The following RAD54L2 variants were observed in gnomAD, a reference collection of about 807,000 sequenced individuals.
RAD54L2 encodes the protein RAD54 like 2, also known as helicase ARIP4.
Under a neutral mutation model 138.4 loss-of-function variants are expected in RAD54L2, and 27 were observed. The ratio of observed to expected loss-of-function variants is 0.20; its 90% CI spans 0.14 to 0.27. The LOEUF is 0.27. RAD54L2 is among the 10% of genes least tolerant of loss of function. The pLI, the probability that RAD54L2 is intolerant of heterozygous loss-of-function variation, is 1.00. For missense variants in RAD54L2, 1,396 were observed against 1,890.2 expected, an observed-to-expected ratio of 0.74 and a Z score of 4.85; for synonymous variants, 644 against 723.2, an observed-to-expected ratio of 0.89 and a Z score of 1.76.
chr3:51,635,266 T>C (rs552802609), intron 9 of RAD54L2, among the ~76,000 whole-genome samples: 1 of 152,318 alleles, frequency 6.6e-6, no homozygotes, highest in Non-Finnish European at 1.5e-5. Flanking sequence ...CTCCTTCAAA[T>C]GTTGAGTTGT....
chr3:51,610,250 C>T (rs1407454930), intron 3 of RAD54L2, among the ~76,000 whole-genome samples: 6 of 152,216 alleles, frequency 3.9e-5, no homozygotes, highest in Admixed American at 6.5e-5. Flanking sequence ...CACAATCCCC[C>T]GAGGCTACAA....
chr3:51,544,737 A>G (rs1553671899), intron 2 of RAD54L2, among the ~76,000 whole-genome samples: 2 of 152,108 alleles, frequency 1.3e-5, no homozygotes, highest in African/African-American at 4.8e-5. Flanking sequence ...CTCACAAGTA[A>G]CTGGGACTAT....
rs112763323 is a variant in RAD54L2 at position 51,640,085 on chromosome 3, G to A, written c.2231+86G>A. On this transcript the variant is annotated intron_variant, in intron 14 of 22. Coordinates refer to ENST00000684192, the MANE Select transcript of RAD54L2 (RefSeq NM_015106.4). Reference sequence around the variant, plus strand: ...ACAGAGCAAGACCAAGACCACCCCCGCCTCCCCCAAGTGCTATTGTGAGGA... The same window carrying A: ...ACAGAGCAAGACCAAGACCACCCCCACCTCCCCCAAGTGCTATTGTGAGGA... 357 of 981,544 alleles carry A rather than the reference G, an allele frequency of 3.6e-4. No individual in the cohort carries two copies. In the African/African-American group the frequency reaches 4.4e-3, roughly 12 times the overall value. The allele number at this position is 981,544 out of a possible 1,614,324, so 60.8% of individuals were successfully genotyped here. A position where few individuals can be genotyped will look rare whatever the true frequency, so the allele number is the denominator to read the frequency against.
At chr3:51,566,024 T>A (rs1207634668) in intron 2 of RAD54L2, among the ~76,000 whole-genome samples, 4 of 151,622 alleles carry the variant, frequency 2.6e-5, no homozygotes, top group Admixed American at 6.6e-5. Flanking sequence ...GAGATGGGGT[T>A]TCACCATGTT....
chr3:51,626,435 TC>T (rs1282111181), intron 3 of RAD54L2, among the ~76,000 whole-genome samples: 1 of 119,844 alleles, frequency 8.3e-6, no homozygotes, highest in Non-Finnish European at 1.7e-5. Context: ...CCCCCAACGA[TC>T]TTTTTTTTTT....
intron 3 of RAD54L2, among the ~76,000 whole-genome samples, chr3:51,617,209 A>G (rs1196307966): frequency 3.3e-5 from 5 of 152,146 alleles, no homozygotes; most frequent in Non-Finnish European, 5.9e-5. Context: ...TCAAAATTAT[A>G]GATATGTTTT....
rs185999728 is a variant in RAD54L2, at chr3:51,611,747, C to T, written c.140-15806C>T. Among the ~76,000 whole-genome samples, 511 of 151,974 alleles carry T rather than the reference C, an allele frequency of 3.4e-3. 2 individuals carry two copies. Among genetic ancestry groups the T allele is most frequent in the African/African-American group, 0.012 (495 of 41,432 alleles). On this transcript the variant is annotated intron_variant, in intron 3 of 22. Transcript: ENST00000684192. ...CTAATTTTTATATTTTTACTAACGA[C>T]GAGTTTGACCATCTTGGCCAGGCTG...
intron 3 of RAD54L2, chr3:51,611,355 T>C (rs1388286826): frequency 6.6e-6 from 1 of 151,974 alleles, no homozygotes; most frequent in African/African-American, 2.4e-5. Flanking sequence ...TGCATAATAA[T>C]CGCATTATGG....
In RAD54L2 at chr3:51,663,244, T is replaced by A. The variant is rs572721472; in HGVS notation, c.4228T>A (p.Ser1410Thr). 4 of 1,613,934 alleles carry A rather than the reference T, an allele frequency of 2.5e-6. No homozygotes were observed. The highest frequency in any genetic ancestry group is 3.4e-6 in the Non-Finnish European group (4 of 1,179,872). ...TTCCCCTGTCTTGCCCAGCAACCTT[T>A]CGCGGGGCATGTCTATCTATCCAGG... ...FPSPVLPSNL[S>T]RGMSIYPGYM... The change falls in exon 23 of 23, where the codon TCG becomes ACG. Residue 1410 changes from serine (S) to threonine (T), a missense_variant. Coordinates refer to ENST00000684192, the MANE Select transcript of RAD54L2 (RefSeq NM_015106.4).
In RAD54L2 at chr3:51,554,151, G is replaced by C. The variant is rs549385932; in HGVS notation, c.-55+12501G>C. On this transcript the variant is annotated intron_variant, in intron 2 of 22. Coordinates refer to ENST00000684192, the MANE Select transcript of RAD54L2 (RefSeq NM_015106.4). The stretch of plus-strand genomic sequence containing the variant: ...CAAAAGAGATCTCTGTAGGCTGGGC[G>C]TGATCAAGAGATCGAGAGCAGCCTG... 9.6e-4 allele frequency among the ~76,000 whole-genome samples: 146 copies of C among 152,220 alleles called. 1 individual carries two copies. The highest frequency in any genetic ancestry group is 1.7e-3 in the Non-Finnish European group (116 of 68,020).
intron 7 of RAD54L2, among the ~76,000 whole-genome samples, chr3:51,632,368 A>G (rs1276504672): frequency 1.3e-5 from 2 of 151,950 alleles, no homozygotes; most frequent in African/African-American, 4.8e-5. Flanking sequence ...ATCTCGGCTC[A>G]CTCCAATCTC....
At chr3:51,621,592 TC>T (rs1341969947) in intron 3 of RAD54L2, among the ~76,000 whole-genome samples, 2 of 152,080 alleles carry the variant, frequency 1.3e-5, no homozygotes, top group Non-Finnish European at 1.5e-5. Context: ...GGCAAAAAGT[TC>T]CCCCCTGCCC....
chr3:51,629,833 A>C (rs184594125), intron 5 of RAD54L2, among the ~76,000 whole-genome samples: 1 of 152,314 alleles, frequency 6.6e-6, no homozygotes, highest in Admixed American at 6.5e-5. Context: ...ACTGTACTCC[A>C]GCCTAGGTGA....
intron 3 of RAD54L2, among the ~76,000 whole-genome samples, chr3:51,625,928 A>G (rs1700667977): frequency 1.3e-5 from 2 of 152,164 alleles, no homozygotes; most frequent in South Asian, 2.1e-4. Flanking sequence ...GCCATAGTTT[A>G]GAGGAGACTA....
At position 51,637,624 on chromosome 3, in the gene RAD54L2, G is replaced by A; in HGVS notation, c.1682+121G>A. ...GGAGGGCCCCTTCCCTGGGGCAGTA[G>A]TAAAACTTTGCTTCCTGTGACAAGC... On this transcript the variant is annotated intron_variant, in intron 11 of 22. Transcript: ENST00000684192. The surrounding 1 kb of genome is among the most constrained non-coding windows in gnomAD (Gnocchi z 5.9). 1 of 972,196 alleles carries A rather than the reference G, an allele frequency of 1.0e-6. No homozygotes were observed. Among genetic ancestry groups the A allele is most frequent in the Admixed American group, 2.8e-5 (1 of 35,234 alleles). The allele number at this position is 972,196 out of a possible 1,614,324, so 60.2% of individuals were successfully genotyped here.
chr3:51,618,134 ATTTTTTTTTTTT>A (rs58259844), intron 3 of RAD54L2, among the ~76,000 whole-genome samples: 1 of 112,140 alleles, frequency 8.9e-6, no homozygotes, highest in Non-Finnish European at 1.9e-5. Flanking sequence ...AATATTTTGT[ATTTTTTTTTTTT>A]TTTTTTTTAA....
intron 3 of RAD54L2, among the ~76,000 whole-genome samples, chr3:51,616,432 AAGTC>A (rs1427406711): frequency 6.6e-6 from 1 of 152,204 alleles, no homozygotes; most frequent in Non-Finnish European, 1.5e-5. Context: ...TTTTTTTAAA[AAGTC>A]AGCATTAATG....
chr3:51,635,027 T>TC (rs1700950412), intron 9 of RAD54L2, among the ~76,000 whole-genome samples: 2 of 152,232 alleles, frequency 1.3e-5, no homozygotes, highest in South Asian at 4.1e-4. Context: ...GATGATTAGT[T>TC]GACCTCACAG....
intron 2 of RAD54L2, among the ~76,000 whole-genome samples, chr3:51,587,187 G>A (rs1380689134): frequency 1.3e-5 from 2 of 151,106 alleles, no homozygotes; most frequent in African/African-American, 4.9e-5. Flanking sequence ...TGCAAGCTCC[G>A]CCTCCCGGGT....
Sources: allele counts gnomAD v4.1 joint callset (sites outside exome capture counted in the v4.1 genomes callset), GRCh38; gene constraint gnomAD v4.1.1; non-coding constraint Gnocchi (gnomAD v3.1); transcripts MANE v1.5; gene names NCBI Gene and HGNC (gene_info 2026-07-23, HGNC 2026-07-21).